Variants in CLEC3B observed in about 807,000 individuals in gnomAD.
CLEC3B encodes tetranectin.
Under a neutral mutation model 15.4 loss-of-function variants are expected in CLEC3B, and 13 were observed. The ratio of observed to expected loss-of-function variants is 0.84; its 90% CI spans 0.55 to 1.34. CLEC3B has a LOEUF of 1.34. CLEC3B is among the 40% of genes most tolerant of loss of function. The pLI is 0.00. For synonymous variants in CLEC3B, 112 were observed against 114.7 expected (o/e 0.98, Z 0.15); for missense variants, 242 against 268.6 (o/e 0.90, Z 0.69).
intron 2 of CLEC3B, among the ~76,000 whole-genome samples, chr3:45,034,039 T>C (rs1697602634): frequency 6.6e-6 from 1 of 152,206 alleles, no homozygotes; most frequent in South Asian, 2.1e-4. Flanking sequence ...AGAGGGCTTA[T>C]GGGTCAGTCT....
At chr3:45,034,447 G>C (rs915001373) in intron 2 of CLEC3B, 1 of 152,210 alleles carries the variant, frequency 6.6e-6, no homozygotes, top group South Asian at 2.1e-4. Context: ...GGATAGAGGG[G>C]AGTGCAGACA....
chr3:45,026,639 G>T lies in CLEC3B; in HGVS notation c.109+168G>T, dbSNP rs545321701. Among the ~76,000 whole-genome samples, 4 of 152,302 alleles carry T rather than the reference G, an allele frequency of 2.6e-5. 1 individual carries two copies. The South Asian group carries it at 8.3e-4, about 32-fold the overall frequency. Reference sequence around the variant, plus strand: ...GAGTTCTCTCATAGCAGAGTTGGTTGTCAGAATCATAAGAATCCCTGACCC... The same window carrying T: ...GAGTTCTCTCATAGCAGAGTTGGTTTTCAGAATCATAAGAATCCCTGACCC... On this transcript the variant is annotated intron_variant, in intron 1 of 2. Transcript: ENST00000296130.
chr3:45,030,985 A>G, intron 2 of CLEC3B, 60 bp downstream of exon 2: 1 of 1,194,104 alleles, frequency 8.4e-7, no homozygotes, highest in Non-Finnish European at 1.2e-6. Context: ...CCAGGCCAGC[A>G]GCCAGCAATG....
chr3:45,033,366 TCTC>T (rs1427452047), intron 2 of CLEC3B, among the ~76,000 whole-genome samples: 1 of 152,102 alleles, frequency 6.6e-6, no homozygotes, highest in Non-Finnish European at 1.5e-5. Flanking sequence ...CTTGGGGCCT[TCTC>T]CTGTTCATTG....
rs1034692011 is a variant in CLEC3B at position 45,035,564 on chromosome 3, G to A, written c.249G>A (p.Leu83=). 18 of 1,612,754 alleles carry A rather than the reference G, an allele frequency of 1.1e-5. No individual in the cohort carries two copies. The highest frequency in any genetic ancestry group is 1.7e-4 in the Middle Eastern group (1 of 6,056). Residue 83 remains leucine, a synonymous_variant, in exon 3 of 3, where the codon CTG becomes CTA. Coordinates refer to ENST00000296130, the MANE Select transcript of CLEC3B (RefSeq NM_003278.3). ...CCAAGGTGCACATGAAATGCTTTCT[G>A]GCCTTCACCCAGACGAAGACCTTCC... The part of the protein sequence containing the change: ...KGTKVHMKCF[L]AFTQTKTFHE...
chr3:45,030,272 C>G (rs904158820), intron 1 of CLEC3B: 1 of 961,208 alleles, frequency 1.0e-6, no homozygotes, highest in African/African-American at 1.8e-5. Context: ...TCTTAGTCTT[C>G]TCCAGAGTCC....
intron 2 of CLEC3B, among the ~76,000 whole-genome samples, chr3:45,031,245 A>G (rs376338436): frequency 2.0e-4 from 30 of 152,304 alleles, no homozygotes; most frequent in East Asian, 1.4e-3. Context: ...GTGACCCTGG[A>G]GCGCTCGATG....
chr3:45,035,843 G>T lies in CLEC3B; in HGVS notation c.528G>T (p.Leu176=). 1 of 1,612,910 alleles carries T rather than the reference G, an allele frequency of 6.2e-7. No homozygotes were observed. The highest frequency in any genetic ancestry group is 8.5e-7 in the Non-Finnish European group (1 of 1,179,868). The change falls in exon 3 of 3, where the codon CTG becomes CTT. Residue 176 remains leucine, a synonymous_variant. Transcript: ENST00000296130. ...DGGKTENCAV[L]SGAANGKWFD... The stretch of plus-strand genomic sequence containing the variant: ...GCAAGACCGAGAACTGCGCGGTCCT[G>T]TCAGGCGCGGCCAACGGCAAGTGGT...
rs994804352 is a variant in CLEC3B, at chr3:45,030,733, G to A, written c.110-94G>A. ...GAAAGTTTCCCAAGATATCAAGGTTGAGGGGAGTCTTTTCCTCTCATCCCT... is the reference window on the plus strand; with the variant it reads ...GAAAGTTTCCCAAGATATCAAGGTTAAGGGGAGTCTTTTCCTCTCATCCCT... On this transcript the variant is annotated intron_variant, in intron 1 of 2. Transcript: ENST00000296130. 5 of 802,232 alleles carry A rather than the reference G, an allele frequency of 6.2e-6. No individual in the cohort carries two copies. In the African/African-American group the frequency reaches 8.6e-5, roughly 14 times the overall value. 49.7% of individuals were successfully genotyped at this position (802,232 alleles called of 1,614,324 possible).
At chr3:45,035,428 G>C in intron 2 of CLEC3B, 96 bp from the exon 3 acceptor site, 3 of 1,487,824 alleles carry the variant, frequency 2.0e-6, no homozygotes, top group Non-Finnish European at 2.7e-6. Context: ...GGATAAACGG[G>C]ATGGGATGGA....
Position 45,026,310 on chromosome 3 carries a change from C to G in CLEC3B, c.-53C>G. The G allele has an allele frequency of 6.7e-7, 1 of 1,482,660 alleles. No individual in the cohort carries two copies. Among genetic ancestry groups the G allele is most frequent in the Non-Finnish European group, 9.3e-7 (1 of 1,069,520 alleles). The allele number at this position is 1,482,660 out of a possible 1,614,324, so 91.8% of individuals were successfully genotyped here. ...GCAGCCTGGGCCGTGGCTGTCACTGCGTTCGGACCCAGACCCGCTGCAGGC... is the reference window on the plus strand; with the variant it reads ...GCAGCCTGGGCCGTGGCTGTCACTGGGTTCGGACCCAGACCCGCTGCAGGC... On this transcript the variant is annotated 5_prime_UTR_variant, in exon 1 of 3. Transcript: ENST00000296130.
In CLEC3B at chr3:45,035,780, G is replaced by C. The variant is rs1697634524; in HGVS notation, c.465G>C (p.Lys155Asn). 1 of 1,613,682 alleles carries C rather than the reference G, an allele frequency of 6.2e-7. No homozygotes were observed. ...TGACCGGCGCCCGCATCGCCTACAA[G>C]AACTGGGAGACTGAGATCACCGCGC... ...VDMTGARIAY[K>N]NWETEITAQP... Residue 155 changes from lysine (K) to asparagine (N), a missense_variant, in exon 3 of 3, where the codon AAG becomes AAC. Transcript: ENST00000296130.
chr3:45,033,094 C>T (rs1473701459), intron 2 of CLEC3B, among the ~76,000 whole-genome samples: 1 of 152,176 alleles, frequency 6.6e-6, no homozygotes, highest in East Asian at 1.9e-4. Flanking sequence ...GTGCCTGGCA[C>T]AGCGGGTATG....
At position 45,035,923 on chromosome 3, in the gene CLEC3B, A is replaced by AG. The variant is rs1435462175; in HGVS notation, c.609dup. 2 of 1,572,838 alleles carry AG rather than the reference A, an allele frequency of 1.3e-6. No individual in the cohort carries two copies. Among genetic ancestry groups the AG allele is most frequent in the South Asian group, 2.2e-5 (2 of 89,596 alleles). The part of the protein sequence containing the change: ...LPYICQFGIV[*] Reference sequence around the variant, plus strand: ...TACATCTGCCAGTTCGGGATCGTGTAGCCGGCGGGGCGGGGGCCGTGGGGG... The same window carrying AG: ...TACATCTGCCAGTTCGGGATCGTGTAGGCCGGCGGGGCGGGGGCCGTGGGGG... Residue 203 remains the stop codon, a frameshift_variant and stop_retained_variant, in exon 3 of 3, where the codon TAG becomes TAGG. Coordinates refer to ENST00000296130, the MANE Select transcript of CLEC3B (RefSeq NM_003278.3). LOFTEE classifies it high-confidence loss of function.
chr3:45,026,540 A>T (rs1697487608), intron 1 of CLEC3B, 69 bp downstream of exon 1: 35 of 1,360,510 alleles, frequency 2.6e-5, no homozygotes, highest in Non-Finnish European at 3.6e-5. Context: ...GTGTGTCCTC[A>T]TGCTCCTTTC....
At chr3:45,035,405 G>T in intron 2 of CLEC3B, 119 bp from the exon 3 acceptor site, 2 of 1,390,172 alleles carry the variant, frequency 1.4e-6, no homozygotes, top group South Asian at 2.9e-5. Flanking sequence ...CTAAGGGGCT[G>T]TCAGGACTGA....
Position 45,035,991 on chromosome 3 carries a change from G to A in CLEC3B, c.*67G>A. 2 of 1,448,272 alleles carry A rather than the reference G, an allele frequency of 1.4e-6. No homozygotes were observed. Among genetic ancestry groups the A allele is most frequent in the Non-Finnish European group, 1.8e-6 (2 of 1,090,360 alleles). The allele number at this position is 1,448,272 out of a possible 1,614,324, so 89.7% of individuals were successfully genotyped here. ...GGCCGCGGGAGGCCGGGAGGAGGGT[G>A]GGGACCTTGCAGCCCCCATCCTCTC... On this transcript the variant is annotated 3_prime_UTR_variant, in exon 3 of 3. Coordinates refer to ENST00000296130, the MANE Select transcript of CLEC3B (RefSeq NM_003278.3).
chr3:45,029,643 A>C (rs1453781671), intron 1 of CLEC3B, among the ~76,000 whole-genome samples: 1 of 151,884 alleles, frequency 6.6e-6, no homozygotes, highest in African/African-American at 2.4e-5. Context: ...CTCTGATCTC[A>C]CTCTTTGTGA....
intron 2 of CLEC3B, among the ~76,000 whole-genome samples, chr3:45,031,412 C>T (rs1697552396): frequency 6.6e-6 from 1 of 152,226 alleles, no homozygotes; most frequent in Non-Finnish European, 1.5e-5. Context: ...TTGTCAGCTC[C>T]ATTTTAAAGA....
Sources: allele counts gnomAD v4.1 joint callset (sites outside exome capture counted in the v4.1 genomes callset), GRCh38; gene constraint gnomAD v4.1.1; transcripts MANE v1.5; gene names NCBI Gene and HGNC (gene_info 2026-07-23, HGNC 2026-07-21).